AGBL1: variants seen among roughly 807,000 people sequenced by gnomAD.
AGBL1 encodes the protein AGBL carboxypeptidase 1, also known as cytosolic carboxypeptidase 4.
Under a neutral mutation model 118.9 loss-of-function variants are expected in AGBL1, and 130 were observed. The observed-to-expected ratio is 1.09, with a 90% CI of 0.95 to 1.26. AGBL1 has a LOEUF of 1.26. Among genes scored for constraint, AGBL1 ranks in the 50% most tolerant of loss-of-function variants. The pLI is 0.00. For missense variants in AGBL1, 1,584 were observed against 1,298.1 expected (o/e 1.22, Z -3.38); for synonymous variants, 555 against 478.9 (o/e 1.16, Z -2.08).
chr15:86,426,715 C>A (rs1356888256), intron 18 of AGBL1, among the ~76,000 whole-genome samples: 6 of 152,128 alleles, frequency 3.9e-5, no homozygotes, highest in Admixed American at 6.5e-5. Context: ...CTAAAGCTGC[C>A]CAAGTGGGGC....
At chr15:86,532,184 A>G (rs2083359150) in intron 19 of AGBL1, among the ~76,000 whole-genome samples, 2 of 150,320 alleles carry the variant, frequency 1.3e-5, no homozygotes, top group Non-Finnish European at 3.0e-5. Flanking sequence ...CTGTTTGCAG[A>G]CAACATGATT....
chr15:87,028,964 A>T lies in AGBL1; in HGVS notation c.*124A>T. ...CATGTCTTATGGAAAATGTTGCTCC[A>T]TCATCCCTGCACTCCCTTATCTAGT... On this transcript the variant is annotated 3_prime_UTR_variant, in exon 25 of 25. Transcript: ENST00000441037. 5.5e-6 allele frequency: 6 copies of T among 1,086,654 alleles called. No individual in the cohort carries two copies. The South Asian group carries it at 8.1e-5, about 15-fold the overall frequency. 67.3% of individuals were successfully genotyped at this position (1,086,654 alleles called of 1,614,324 possible).
chr15:86,389,656 G>A (rs977119398), intron 17 of AGBL1, among the ~76,000 whole-genome samples: 1 of 152,092 alleles, frequency 6.6e-6, no homozygotes, highest in Non-Finnish European at 1.5e-5. Flanking sequence ...AAATGTAAAT[G>A]TCTTATGGAT....
At chr15:86,576,063 CAGAA>C (rs953380884) in intron 21 of AGBL1, among the ~76,000 whole-genome samples, 1 of 152,132 alleles carries the variant, frequency 6.6e-6, no homozygotes, top group African/African-American at 2.4e-5. Flanking sequence ...TTGGATGACT[CAGAA>C]GGAAGAAGAT....
At chr15:86,172,896 C>T (rs990474371) in intron 5 of AGBL1, among the ~76,000 whole-genome samples, 2 of 151,822 alleles carry the variant, frequency 1.3e-5, no homozygotes, top group African/African-American at 2.4e-5. Flanking sequence ...CATGATAGTC[C>T]TATTTTTAGT....
chr15:86,364,376 G>A (rs1279595966), intron 17 of AGBL1, among the ~76,000 whole-genome samples: 1 of 152,136 alleles, frequency 6.6e-6, no homozygotes, highest in Non-Finnish European at 1.5e-5. Flanking sequence ...CATTAATTAT[G>A]TGCTATAGTC....
chr15:86,779,518 A>G (rs2078301953), intron 22 of AGBL1, among the ~76,000 whole-genome samples: 1 of 152,198 alleles, frequency 6.6e-6, no homozygotes, highest in South Asian at 2.1e-4. Context: ...TATGAACAGT[A>G]TTGTACCTGT....
At chr15:86,285,362 C>A (rs1242872755) in intron 16 of AGBL1, among the ~76,000 whole-genome samples, 1 of 152,064 alleles carries the variant, frequency 6.6e-6, no homozygotes, top group Non-Finnish European at 1.5e-5. Context: ...TGTGTCCCCA[C>A]CCAAATCTCA....
intron 18 of AGBL1, 52 bp from the exon 19 acceptor site, chr15:86,522,758 A>C: frequency 6.3e-7 from 1 of 1,583,638 alleles, no homozygotes. Context: ...TTATTTTCTC[A>C]AGTTATTTTC....
chr15:86,556,030 T>A (rs1760073722), intron 21 of AGBL1, among the ~76,000 whole-genome samples: 1 of 152,232 alleles, frequency 6.6e-6, no homozygotes, highest in African/African-American at 2.4e-5. Flanking sequence ...TCCATGTAAC[T>A]CTTCAAAGAT....
chr15:86,111,980 C>T (rs940239520), intron 1 of AGBL1, among the ~76,000 whole-genome samples: 3 of 152,314 alleles, frequency 2.0e-5, no homozygotes, highest in African/African-American at 7.2e-5. Flanking sequence ...GTCTACGTTG[C>T]TCTCTCCTTA....
chr15:86,721,220 T>C (rs1026943302), intron 22 of AGBL1, among the ~76,000 whole-genome samples: 10 of 151,990 alleles, frequency 6.6e-5, no homozygotes, highest in Admixed American at 5.9e-4. Flanking sequence ...AGACCAATAT[T>C]CCTGATGAAC....
chr15:86,212,542 G>C (rs2078116088), intron 5 of AGBL1, among the ~76,000 whole-genome samples: 1 of 152,224 alleles, frequency 6.6e-6, no homozygotes, highest in Non-Finnish European at 1.5e-5. Context: ...GTGTTAATGA[G>C]AATTTCAGGT....
At chr15:86,601,314 G>A (rs2084489131) in intron 21 of AGBL1, among the ~76,000 whole-genome samples, 1 of 152,120 alleles carries the variant, frequency 6.6e-6, no homozygotes, top group Non-Finnish European at 1.5e-5. Flanking sequence ...AAGTGACTGG[G>A]CAATACATTA....
chr15:86,462,816 T>C (rs1379301540), intron 18 of AGBL1, among the ~76,000 whole-genome samples: 1 of 152,120 alleles, frequency 6.6e-6, no homozygotes, highest in African/African-American at 2.4e-5. Context: ...CACCACATTT[T>C]CACATTTTCT....
rs1476754339 is a variant in AGBL1, at chr15:86,705,628, T to C, written c.3158+31192T>C. On this transcript the variant is annotated intron_variant, in intron 22 of 22. Coordinates refer to ENST00000614907, the MANE Select transcript of AGBL1 (RefSeq NM_001386094.1). ...CTAGTGGTTATGGGGATGTAAGCATTATACAGCCTTAAATTGTCTTATTCT... is the reference window on the plus strand; with the variant it reads ...CTAGTGGTTATGGGGATGTAAGCATCATACAGCCTTAAATTGTCTTATTCT... Among the ~76,000 whole-genome samples the C allele has an allele frequency of 4.6e-5, 7 of 152,210 alleles. No individual in the cohort carries two copies. In the East Asian group the frequency reaches 1.3e-3, roughly 29 times the overall value.
chr15:86,492,447 G>T (rs1243350206), intron 18 of AGBL1, among the ~76,000 whole-genome samples: 1 of 151,884 alleles, frequency 6.6e-6, no homozygotes, highest in Non-Finnish European at 1.5e-5. Flanking sequence ...AAAATTAGCT[G>T]GGTGTGGTGA....
chr15:86,780,296 A>G (rs888869134), intron 22 of AGBL1, among the ~76,000 whole-genome samples: 3 of 152,212 alleles, frequency 2.0e-5, no homozygotes, highest in African/African-American at 7.2e-5. Flanking sequence ...TTCAGAAACT[A>G]TCCCTGGATT....
At chr15:86,470,171 C>T (rs2082460776) in intron 18 of AGBL1, among the ~76,000 whole-genome samples, 1 of 152,024 alleles carries the variant, frequency 6.6e-6, no homozygotes, top group South Asian at 2.1e-4. Context: ...TAAGTTTTTG[C>T]CTATGTTTCC....
Sources: gnomAD v4.1 joint callset for allele counts (sites outside exome capture counted in the v4.1 genomes callset) on GRCh38, gnomAD v4.1.1 for gene constraint, MANE v1.5 for transcripts, NCBI Gene and HGNC (gene_info 2026-07-23, HGNC 2026-07-21) for gene names.